Variants in NRXN3 observed in about 807,000 individuals in gnomAD.
NRXN3 encodes the protein neurexin III.
A neutral mutation model predicts 137.6 loss-of-function variants in NRXN3; 32 were observed. That is an observed-to-expected ratio of 0.23 (90% confidence interval 0.18 to 0.31). The LOEUF (loss-of-function observed/expected upper bound fraction) is 0.31. Among genes scored for constraint, NRXN3 ranks in the 10% least tolerant of loss-of-function variants. The probability of loss-of-function intolerance (pLI) is 1.00; values close to 1 mark genes in which losing one functional copy is unlikely to be tolerated. For missense variants in NRXN3, 1,574 were observed against 2,062.5 expected (o/e 0.76, Z 4.59); for synonymous variants, 798 against 784.5 (o/e 1.02, Z -0.29).
At chr14:78,189,940 C>T (rs936979096) in intron 1 of NRXN3, among the ~76,000 whole-genome samples, 2 of 152,210 alleles carry the variant, frequency 1.3e-5, no homozygotes, top group African/African-American at 4.8e-5. Context: ...CTCTGGCCGT[C>T]CTTACCGTAC....
intron 16 of NRXN3, among the ~76,000 whole-genome samples, chr14:79,618,389 T>C (rs2098185409): frequency 6.6e-6 from 1 of 152,222 alleles, no homozygotes; most frequent in African/African-American, 2.4e-5. Flanking sequence ...GACATATTTA[T>C]GTTCATGAGT....
chr14:78,390,438 A>G (rs2090599888), intron 4 of NRXN3, among the ~76,000 whole-genome samples: 1 of 152,142 alleles, frequency 6.6e-6, no homozygotes, highest in Admixed American at 6.6e-5. Flanking sequence ...GTAGACAGAA[A>G]ACCGGTGTTA....
At chr14:78,875,728 T>C (rs2099112509) in intron 10 of NRXN3, among the ~76,000 whole-genome samples, 1 of 152,226 alleles carries the variant, frequency 6.6e-6, no homozygotes, top group South Asian at 2.1e-4. Context: ...AACCCAGTTA[T>C]ATCTGTGAAA....
At position 79,643,658 on chromosome 14, in the gene NRXN3, C is replaced by T. The variant is rs2098442335; in HGVS notation, c.3445-20120C>T. ...ATACTATATTCCATCCAAACTAACC[C>T]ACTGATTAGACTTCATTTTTCTTTT... On this transcript the variant is annotated intron_variant, in intron 16 of 20. Coordinates refer to ENST00000335750, the MANE Select transcript of NRXN3 (RefSeq NM_001330195.2). Among the ~76,000 whole-genome samples the T allele has an allele frequency of 1.5e-5, 2 of 134,900 alleles. 1 individual carries two copies. Among genetic ancestry groups the T allele is most frequent in the Admixed American group, 1.6e-4 (2 of 12,666 alleles). The allele number at this position is 134,900 out of a possible 152,430, so 88.5% of individuals were successfully genotyped here.
intron 4 of NRXN3, among the ~76,000 whole-genome samples, chr14:78,444,107 TA>T (rs1305085046): frequency 6.6e-6 from 1 of 152,182 alleles, no homozygotes; most frequent in African/African-American, 2.4e-5. Context: ...TAAATAGAAG[TA>T]AAGGCACTCA....
intron 19 of NRXN3, among the ~76,000 whole-genome samples, chr14:79,784,080 T>C (rs1175447373): frequency 6.6e-6 from 1 of 152,214 alleles, no homozygotes; most frequent in East Asian, 1.9e-4. Context: ...TGGAGCCTTG[T>C]TTAGCTGAAA....
chr14:78,601,385 A>G (rs1182565730), intron 4 of NRXN3, among the ~76,000 whole-genome samples: 1 of 151,962 alleles, frequency 6.6e-6, no homozygotes, highest in East Asian at 1.9e-4. Flanking sequence ...TACATTTCCT[A>G]TGATGGCGAG....
intron 4 of NRXN3, among the ~76,000 whole-genome samples, chr14:78,460,277 A>G (rs1044273108): frequency 2.0e-5 from 3 of 152,220 alleles, no homozygotes; most frequent in African/African-American, 7.2e-5. Flanking sequence ...TGGAGGCTTC[A>G]TTACATAGGC....
At chr14:78,398,802 A>G (rs1038818703) in intron 4 of NRXN3, among the ~76,000 whole-genome samples, 2 of 152,162 alleles carry the variant, frequency 1.3e-5, no homozygotes, top group African/African-American at 2.4e-5. Context: ...TGTGGTCTCA[A>G]TTGACACCAT....
chr14:79,053,187 A>G (rs961817114), intron 15 of NRXN3, among the ~76,000 whole-genome samples: 4 of 152,238 alleles, frequency 2.6e-5, no homozygotes, highest in Non-Finnish European at 1.5e-5. Flanking sequence ...TAAAGCAACT[A>G]AACTCACTGA....
At chr14:79,623,343 A>C (rs221494) in intron 16 of NRXN3, among the ~76,000 whole-genome samples, 40,632 of 152,128 alleles carry the variant, frequency 0.27, 6,161 homozygotes, top group African/African-American at 0.41. Flanking sequence ...TATTCCATTT[A>C]TATTTAGTCA....
chr14:78,283,023 A>G (rs2074624762), intron 3 of NRXN3: 1 of 152,154 alleles, frequency 6.6e-6, no homozygotes, highest in Non-Finnish European at 1.5e-5. Context: ...CTCTCCTCCC[A>G]TTTGGGACCA....
chr14:78,809,695 A>G (rs969646491), intron 9 of NRXN3, among the ~76,000 whole-genome samples: 10 of 152,130 alleles, frequency 6.6e-5, no homozygotes, highest in South Asian at 2.1e-4. Context: ...GCAAATTTCT[A>G]TAGCATTTGG....
chr14:78,490,175 AGTGCTGGG>A (rs2095639928), intron 4 of NRXN3, among the ~76,000 whole-genome samples: 1 of 24,430 alleles, frequency 4.1e-5, no homozygotes, highest in African/African-American at 2.4e-4. Flanking sequence ...GGCCTCCGAA[AGTGCTGGG>A]ATTACAGGTG....
chr14:78,967,110 TG>T, intron 12 of NRXN3, 97 bp from the exon 13 acceptor site: 1 of 945,716 alleles, frequency 1.1e-6, no homozygotes. Context: ...CAGTTTAGCA[TG>T]GGGGATTTGA....
At chr14:78,534,021 T>C (rs2153814371) in intron 4 of NRXN3, among the ~76,000 whole-genome samples, 1 of 152,338 alleles carries the variant, frequency 6.6e-6, no homozygotes. Context: ...CTTTTCCCCA[T>C]TAAGTAATGG....
intron 4 of NRXN3, among the ~76,000 whole-genome samples, chr14:78,437,756 T>C (rs1483950208): frequency 6.6e-6 from 1 of 152,200 alleles, no homozygotes; most frequent in African/African-American, 2.4e-5. Flanking sequence ...CTAAAAACTG[T>C]TCAATTAGAC....
At chr14:78,439,062 G>A (rs1470033747) in intron 4 of NRXN3, among the ~76,000 whole-genome samples, 1 of 152,106 alleles carries the variant, frequency 6.6e-6, no homozygotes, top group African/African-American at 2.4e-5. Flanking sequence ...CTTGCTTGAG[G>A]GGGAGACATG....
At chr14:79,253,421 A>T (rs1220958482) in intron 15 of NRXN3, among the ~76,000 whole-genome samples, 1 of 152,140 alleles carries the variant, frequency 6.6e-6, no homozygotes, top group Non-Finnish European at 1.5e-5. Context: ...CATATGCGAG[A>T]AGGTCCTCTC....
Sources: allele counts gnomAD v4.1 joint callset (sites outside exome capture counted in the v4.1 genomes callset), GRCh38; gene constraint gnomAD v4.1.1; transcripts MANE v1.5; gene names NCBI Gene and HGNC (gene_info 2026-07-23, HGNC 2026-07-21).